GPM6B: variants seen among roughly 807,000 people sequenced by gnomAD.
GPM6B encodes glycoprotein M6B, also known as neuronal membrane glycoprotein M6-b.
Under a neutral mutation model 27.2 loss-of-function variants are expected in GPM6B, and 4 were observed. The ratio of observed to expected loss-of-function variants is 0.15; its 90% CI spans 0.07 to 0.34. The LOEUF (loss-of-function observed/expected upper bound fraction) is 0.34. Among genes scored for constraint, GPM6B ranks in the 10% least tolerant of loss-of-function variants. GPM6B has a pLI of 1.00. For missense variants in GPM6B, 183 were observed against 261.9 expected (o/e 0.70, Z 2.08); for synonymous variants, 124 against 103.1 (o/e 1.20, Z -1.23).
chrX:13,915,735 A>G (rs1000141596), intron 1 of GPM6B, among the ~76,000 whole-genome samples: 1 of 112,772 alleles, frequency 8.9e-6, no homozygotes, highest in African/African-American at 3.2e-5. Context: ...TATGTGTACA[A>G]TGGTTGTTAT....
intron 5 of GPM6B, among the ~76,000 whole-genome samples, chrX:13,779,522 A>G (rs1412182696): frequency 8.9e-6 from 1 of 112,129 alleles, no homozygotes; most frequent in Non-Finnish European, 1.9e-5. Context: ...GCGGAGATCC[A>G]GAAGTCTTTT....
At chrX:13,912,660 C>T (rs752446647) in intron 1 of GPM6B, among the ~76,000 whole-genome samples, 1 of 111,907 alleles carries the variant, frequency 8.9e-6, no homozygotes, top group South Asian at 3.7e-4. Context: ...AAAGAGAGAA[C>T]TGCTCAGGCA....
chrX:13,780,306 C>T (rs185496731), intron 4 of GPM6B, among the ~76,000 whole-genome samples: 62 of 112,097 alleles, frequency 5.5e-4, no homozygotes, highest in Admixed American at 5.3e-3. Flanking sequence ...CAGAGCTAAT[C>T]AGTGGCAGCC....
chrX:13,793,764 C>T (rs1238184351), intron 2 of GPM6B, among the ~76,000 whole-genome samples: 1 of 111,031 alleles, frequency 9.0e-6, no homozygotes, highest in African/African-American at 3.3e-5. Flanking sequence ...GGGGACGGGA[C>T]TCAGGAATTA....
In GPM6B at chrX:13,785,949, C is replaced by G; in HGVS notation, c.182-141G>C. ...ATGGTTAATATTAATACTTCGACAT[C>G]CCAAGGGCCAGTGTGGTAGTTACCG... On this transcript the variant is annotated intron_variant, in intron 2 of 7. Coordinates refer to ENST00000316715, the MANE Select transcript of GPM6B (RefSeq NM_001001995.3). 8 of 482,567 alleles carry G rather than the reference C, an allele frequency of 1.7e-5. No homozygotes were observed. In the South Asian group the frequency reaches 2.8e-4, roughly 17 times the overall value. The allele number at this position is 482,567 out of a possible 1,213,427, so 39.8% of individuals were successfully genotyped here.
chrX:13,783,678 C>T, intron 3 of GPM6B, 157 bp from the exon 4 acceptor site: 2 of 479,498 alleles, frequency 4.2e-6, no homozygotes, highest in Non-Finnish European at 7.3e-6. Context: ...TCCTGGGCGG[C>T]ATCCCTGCCC....
Position 13,888,676 on chromosome X carries a change from CT to C in GPM6B, c.-198+49650del, listed in dbSNP as rs754368790. ...CCTCGCCACCACCAACCCCCACCCC[CT>C]TTTTTTTCCTGTTTTGTTTGGTGGT... On this transcript the variant is annotated intron_variant, in intron 1 of 6. Transcript: ENST00000398361. Among the ~76,000 whole-genome samples the C allele has an allele frequency of 1.7e-4, 19 of 111,388 alleles. No homozygotes were observed. In the East Asian group the frequency reaches 3.9e-3, roughly 23 times the overall value.
At chrX:13,831,177 T>TAC (rs536337642) in intron 1 of GPM6B, among the ~76,000 whole-genome samples, 7,337 of 81,449 alleles carry the variant, frequency 0.09, 303 homozygotes, top group East Asian at 0.15. Flanking sequence ...AAGAGCTCAG[T>TAC]ACACACACAC....
intron 1 of GPM6B, among the ~76,000 whole-genome samples, chrX:13,918,462 T>G (rs2050448229): frequency 8.9e-6 from 1 of 112,351 alleles, no homozygotes; most frequent in South Asian, 3.7e-4. Flanking sequence ...TTCTGTAGCA[T>G]GTATAGAGAC....
chrX:13,798,749 G>A (rs1409960424), intron 2 of GPM6B, among the ~76,000 whole-genome samples: 2 of 112,689 alleles, frequency 1.8e-5, no homozygotes, highest in Admixed American at 9.3e-5. Flanking sequence ...GACTCAAAGC[G>A]TAGGACCTAG....
intron 1 of GPM6B, among the ~76,000 whole-genome samples, chrX:13,828,598 T>C (rs1277865107): frequency 8.9e-6 from 1 of 112,053 alleles, no homozygotes; most frequent in Non-Finnish European, 1.9e-5. Flanking sequence ...GTGCCAGCTA[T>C]CAGGGATACT....
intron 1 of GPM6B, among the ~76,000 whole-genome samples, chrX:13,932,723 A>G (rs576561010): frequency 8.9e-6 from 1 of 112,104 alleles, no homozygotes; most frequent in South Asian, 3.8e-4. Context: ...CAAAGCTGCC[A>G]TTGCCTTTTA....
intron 4 of GPM6B, 23 bp downstream of exon 4, chrX:13,783,342 C>G (rs2048552345): frequency 2.6e-6 from 3 of 1,138,111 alleles, no homozygotes; most frequent in Non-Finnish European, 3.5e-6. Flanking sequence ...ATCAAACAAT[C>G]AGTTATCAGA....
intron 1 of GPM6B, among the ~76,000 whole-genome samples, chrX:13,912,123 C>T (rs1461290146): frequency 8.9e-6 from 1 of 112,014 alleles, no homozygotes; most frequent in African/African-American, 3.2e-5. Flanking sequence ...AAACTGAGGC[C>T]AAGACAAAGG....
At chrX:13,781,388 A>G (rs1318215702) in intron 4 of GPM6B, among the ~76,000 whole-genome samples, 1 of 112,162 alleles carries the variant, frequency 8.9e-6, no homozygotes, top group Non-Finnish European at 1.9e-5. Flanking sequence ...CCCCCATTCT[A>G]TTCCTAAACA....
intron 1 of GPM6B, among the ~76,000 whole-genome samples, chrX:13,865,526 T>TA (rs1204169574): frequency 0.011 from 271 of 23,632 alleles, 2 homozygotes; most frequent in Non-Finnish European, 0.019. Context: ...GACCACACGG[T>TA]AAAAATCCAT....
intron 1 of GPM6B, among the ~76,000 whole-genome samples, chrX:13,813,903 C>T (rs777458047): frequency 1.6e-3 from 175 of 112,283 alleles, no homozygotes; most frequent in African/African-American, 5.5e-3. Flanking sequence ...AGAAAATCTG[C>T]TTGTTTTCCT....
chrX:13,831,201 C>T (rs772884398), intron 1 of GPM6B, among the ~76,000 whole-genome samples: 2 of 108,179 alleles, frequency 1.8e-5, no homozygotes, highest in East Asian at 2.9e-4. Flanking sequence ...CACACACACA[C>T]ACACACACAC....
chrX:13,772,790 G>T lies in GPM6B; in HGVS notation c.*91C>A. 1.1e-6 allele frequency: 1 copy of T among 876,535 alleles called. No homozygotes were observed. Among genetic ancestry groups the T allele is most frequent in the Non-Finnish European group, 1.6e-6 (1 of 614,185 alleles). 72.2% of individuals were successfully genotyped at this position (876,535 alleles called of 1,213,427 possible). On this transcript the variant is annotated 3_prime_UTR_variant, in exon 8 of 8. Transcript: ENST00000316715. Reference sequence around the variant, plus strand: ...GTGAAGTGTTTGTACATCTACATTAGTTTGGTGGGATACACATCTGTACTG... The same window carrying T: ...GTGAAGTGTTTGTACATCTACATTATTTTGGTGGGATACACATCTGTACTG...
Sources: gnomAD v4.1 joint callset for allele counts (sites outside exome capture counted in the v4.1 genomes callset) on GRCh38, gnomAD v4.1.1 for gene constraint, MANE v1.5 for transcripts, NCBI Gene and HGNC (gene_info 2026-07-23, HGNC 2026-07-21) for gene names.